Variants in DOCK7 observed in about 807,000 individuals in gnomAD.
DOCK7 encodes dedicator of cytokinesis 7, also known as dedicator of cytokinesis protein 7.
A neutral mutation model predicts 271.0 loss-of-function variants in DOCK7; 138 were observed. The ratio of observed to expected loss-of-function variants is 0.51; its 90% CI spans 0.44 to 0.59. The LOEUF is 0.59. DOCK7 is among the 20% of genes least tolerant of loss of function. DOCK7 has a pLI of 0.00. For synonymous variants in DOCK7, 823 were observed against 876.1 expected (o/e 0.94, Z 1.07); for missense variants, 2,066 against 2,592.4 (o/e 0.80, Z 4.41).
chr1:62,504,774 T>C lies in DOCK7; in HGVS notation c.4620A>G (p.Glu1540=). 1 of 1,608,420 alleles carries C rather than the reference T, an allele frequency of 6.2e-7. No homozygotes were observed. The highest frequency in any genetic ancestry group is 1.1e-5 in the South Asian group (1 of 89,364). The change falls in exon 37 of 50, where the codon GAA becomes GAG. Residue 1540 remains glutamate (E), a synonymous_variant. Coordinates refer to ENST00000635253, the MANE Select transcript of DOCK7 (RefSeq NM_001367561.1). ...TQRALVSKFP[E]LLFEEETEQC... is the part of the protein sequence containing the mutation. The stretch of plus-strand genomic sequence containing the variant: ...GCTCTGTCTCTTCTTCAAATAAGAG[T>C]TCAGGAAACTGTAAAACAACAAAAC...
chr1:62,667,957 T>C (rs1659507734), intron 1 of DOCK7, among the ~76,000 whole-genome samples: 1 of 151,748 alleles, frequency 6.6e-6, no homozygotes, highest in Non-Finnish European at 1.5e-5. Flanking sequence ...GAGCTGGAGG[T>C]TGCAGTGAGC....
intron 19 of DOCK7, 138 bp from the exon 20 acceptor site, chr1:62,559,358 C>A: frequency 1.8e-6 from 1 of 555,764 alleles, no homozygotes; most frequent in Non-Finnish European, 3.1e-6. Context: ...ACATTGTTTC[C>A]AATTAAACAA....
At chr1:62,490,701 G>A (rs891786085) in intron 41 of DOCK7, among the ~76,000 whole-genome samples, 2 of 151,934 alleles carry the variant, frequency 1.3e-5, no homozygotes, top group African/African-American at 4.8e-5. Context: ...AATAATATAG[G>A]TTACTGTCCC....
intron 12 of DOCK7, among the ~76,000 whole-genome samples, chr1:62,620,323 A>G (rs1653007903): frequency 7.1e-6 from 1 of 140,902 alleles, no homozygotes; most frequent in Non-Finnish European, 1.6e-5. Flanking sequence ...TCAAAAATAA[A>G]AATAAATAAA....
intron 14 of DOCK7, chr1:62,601,289 T>C: frequency 1.1e-6 from 1 of 905,444 alleles, no homozygotes; most frequent in Non-Finnish European, 1.8e-6. Context: ...AGTTAAGAGA[T>C]ATCCATCAAA....
intron 2 of DOCK7, among the ~76,000 whole-genome samples, chr1:62,660,035 A>G (rs1349412985): frequency 5.3e-5 from 8 of 152,316 alleles, no homozygotes; most frequent in African/African-American, 1.7e-4. Context: ...ATCAACAAGG[A>G]TACAGTATAA....
At chr1:62,499,604 T>C (rs1159477520) in intron 37 of DOCK7, among the ~76,000 whole-genome samples, 2 of 152,090 alleles carry the variant, frequency 1.3e-5, no homozygotes, top group African/African-American at 2.4e-5. Context: ...GGTGTGATAG[T>C]AGCTCACATC....
At chr1:62,618,278 A>C (rs1652707352) in intron 14 of DOCK7, among the ~76,000 whole-genome samples, 1 of 152,136 alleles carries the variant, frequency 6.6e-6, no homozygotes, top group Non-Finnish European at 1.5e-5. Flanking sequence ...CATAAATTTG[A>C]TTCTTGTGTA....
intron 49 of DOCK7, 59 bp downstream of exon 49, chr1:62,457,479 G>GT: frequency 6.6e-7 from 1 of 1,524,298 alleles, no homozygotes; most frequent in South Asian, 1.2e-5. Flanking sequence ...ACTTCTACTA[G>GT]TTTAACATGT....
intron 48 of DOCK7, chr1:62,457,995 T>C: frequency 3.8e-6 from 1 of 261,542 alleles, no homozygotes; most frequent in Non-Finnish European, 7.4e-6. Flanking sequence ...TACAAAAAAA[T>C]GCAAAAATTA....
rs140968349 is a variant in DOCK7 at position 62,685,503 on chromosome 1, C to A, written c.38+2724G>T. On this transcript the variant is annotated intron_variant, in intron 1 of 49. Transcript: ENST00000635253. The stretch of plus-strand genomic sequence containing the variant: ...TGGTATTCCTTCCAAGTTAAGTCTG[C>A]ACATTCTCACTGGACAATCTCATCA... Among the ~76,000 whole-genome samples, 267 of 152,240 alleles carry A rather than the reference C, an allele frequency of 1.8e-3. 2 individuals are homozygous for A. Among genetic ancestry groups the A allele is most frequent in the African/African-American group, 5.8e-3 (243 of 41,540 alleles).
intron 40 of DOCK7, 110 bp from the exon 41 acceptor site, chr1:62,492,957 A>C: frequency 1.1e-6 from 1 of 876,028 alleles, no homozygotes; most frequent in Non-Finnish European, 1.7e-6. Context: ...AGGTTAAAAA[A>C]AGGAGAGTGA....
chr1:62,642,111 T>A lies in DOCK7; in HGVS notation c.819-5508A>T, dbSNP rs576415215. On this transcript the variant is annotated intron_variant, in intron 7 of 49. Transcript: ENST00000635253. ...GCAGCTTTTTTTAATTGTTTACTTT[T>A]TCTTTTTTTTTTTTTGAGACGGAGT... Among the ~76,000 whole-genome samples, 309 of 146,818 alleles carry A rather than the reference T, an allele frequency of 2.1e-3. 2 individuals are homozygous for A. Among genetic ancestry groups the A allele is most frequent in the African/African-American group, 7.1e-3 (294 of 41,236 alleles).
At chr1:62,587,172 A>T (rs952330575) in intron 14 of DOCK7, among the ~76,000 whole-genome samples, 2 of 152,020 alleles carry the variant, frequency 1.3e-5, no homozygotes, top group African/African-American at 4.8e-5. Flanking sequence ...ACTACAAAAC[A>T]ATAACATCCT....
intron 2 of DOCK7, among the ~76,000 whole-genome samples, chr1:62,661,277 G>A (rs891159256): frequency 5.9e-5 from 9 of 152,180 alleles, no homozygotes; most frequent in Admixed American, 4.6e-4. Context: ...GGGAAGGGGG[G>A]AAAATGGGAA....
At chr1:62,686,717 C>T (rs1365168776) in intron 1 of DOCK7, among the ~76,000 whole-genome samples, 1 of 152,008 alleles carries the variant, frequency 6.6e-6, no homozygotes, top group African/African-American at 2.4e-5. Context: ...ATTTGCCAGA[C>T]GAGGAAACGG....
At chr1:62,560,673 T>C (rs184599812) in intron 19 of DOCK7, among the ~76,000 whole-genome samples, 2 of 152,284 alleles carry the variant, frequency 1.3e-5, no homozygotes, top group Admixed American at 6.5e-5. Flanking sequence ...TGATGGTCCT[T>C]AGACTACTGT....
At chr1:62,567,736 CA>C (rs1646569683) in intron 18 of DOCK7, among the ~76,000 whole-genome samples, 1 of 146,242 alleles carries the variant, frequency 6.8e-6, no homozygotes, top group African/African-American at 2.5e-5. Flanking sequence ...ATCTCTGAGG[CA>C]AAAAATAAAG....
rs1646126912 is a variant in DOCK7, at chr1:62,555,913, A to C, written c.2508T>G (p.His836Gln). 4 of 1,613,964 alleles carry C rather than the reference A, an allele frequency of 2.5e-6. No homozygotes were observed. Among genetic ancestry groups the C allele is most frequent in the Non-Finnish European group, 3.4e-6 (4 of 1,179,932 alleles). The stretch of plus-strand genomic sequence containing the variant: ...GAAGGCTGTTTCTGCCATGCTGGTC[A>C]TGATTTCCTTCCAAGTTTTTGTGAA... ...NRLHKNLEGN[H>Q]DQHGRNSLLA... Residue 836 changes from histidine to glutamine, a missense_variant, in exon 21 of 50, where the codon CAT becomes CAG. His to Gln is a conservative substitution (Grantham distance 24, BLOSUM62 0). Around this residue, in one of 2 missense-constraint regions of DOCK7, gnomAD observed 1,414 missense variants for 1,670.4 expected, o/e 0.85. Coordinates refer to ENST00000635253, the MANE Select transcript of DOCK7 (RefSeq NM_001367561.1).
Sources: gnomAD v4.1 joint callset for allele counts (sites outside exome capture counted in the v4.1 genomes callset) on GRCh38, gnomAD v4.1.1 for gene constraint, gnomAD v4.1.1 regional missense constraint, MANE v1.5 for transcripts, NCBI Gene and HGNC (gene_info 2026-07-23, HGNC 2026-07-21) for gene names.